The following PEPD variants were observed in gnomAD, a reference collection of about 807,000 sequenced individuals.
PEPD encodes peptidase D.
PEPD carries 53 observed loss-of-function variants against 60.7 expected under a neutral mutation model. The ratio of observed to expected loss-of-function variants is 0.87; its 90% CI spans 0.70 to 1.10. The LOEUF (loss-of-function observed/expected upper bound fraction) is 1.10. Ranked by LOEUF, PEPD falls within the 50% of genes least tolerant of loss-of-function variation. PEPD has a pLI of 0.00. For missense variants in PEPD, 711 were observed against 711.9 expected (o/e 1.00, Z 0.01); for synonymous variants, 267 against 284.1 (o/e 0.94, Z 0.60).
chr19:33,410,082 A>G (rs1968728519), intron 11 of PEPD, among the ~76,000 whole-genome samples: 1 of 152,210 alleles, frequency 6.6e-6, no homozygotes, highest in African/African-American at 2.4e-5. Flanking sequence ...TGCCAGAGTG[A>G]ACCAGGATCC....
chr19:33,415,381 G>C (rs1446701286), intron 9 of PEPD, among the ~76,000 whole-genome samples: 2 of 152,204 alleles, frequency 1.3e-5, no homozygotes, highest in Non-Finnish European at 2.9e-5. Context: ...CTACAAGAAA[G>C]GAGCGGCAGG....
chr19:33,468,996 C>T (rs941161069), intron 7 of PEPD, among the ~76,000 whole-genome samples: 8 of 152,164 alleles, frequency 5.3e-5, no homozygotes, highest in African/African-American at 1.9e-4. Flanking sequence ...CTTGTGGTCC[C>T]TCAGGTGTCA....
At chr19:33,495,099 G>A (rs568533769) in intron 4 of PEPD, among the ~76,000 whole-genome samples, 10 of 151,714 alleles carry the variant, frequency 6.6e-5, no homozygotes. Context: ...CTGCGCCACT[G>A]CACTCCAGCC....
intron 7 of PEPD, among the ~76,000 whole-genome samples, chr19:33,473,403 T>G (rs577665405): frequency 7.2e-5 from 11 of 152,162 alleles, no homozygotes; most frequent in Non-Finnish European, 1.6e-4. Context: ...CAACCACAGC[T>G]TCCCATCTCC....
At chr19:33,487,413 G>C (rs1970416003) in intron 6 of PEPD, 1 of 152,508 alleles carries the variant, frequency 6.6e-6, no homozygotes, top group Admixed American at 6.5e-5. Flanking sequence ...GAGGTGGAAG[G>C]CCCCGAGGGG....
At chr19:33,417,266 C>T (rs1968910386) in intron 9 of PEPD, among the ~76,000 whole-genome samples, 1 of 152,220 alleles carries the variant, frequency 6.6e-6, no homozygotes, top group Admixed American at 6.5e-5. Context: ...CTCAGGTACT[C>T]AAGAGGTGGA....
chr19:33,411,474 G>A (rs745348413), intron 11 of PEPD, among the ~76,000 whole-genome samples, 198 bp downstream of exon 11: 7 of 152,182 alleles, frequency 4.6e-5, no homozygotes, highest in Non-Finnish European at 7.4e-5. Flanking sequence ...TCCCTGGGGG[G>A]TGCAGGCTTT....
At chr19:33,489,725 G>GCCTGCCCCTGCCCTTGCC (rs955040615) in intron 6 of PEPD, among the ~76,000 whole-genome samples, 2 of 152,144 alleles carry the variant, frequency 1.3e-5, no homozygotes, top group Non-Finnish European at 2.9e-5. Flanking sequence ...ACCCACCTGT[G>GCCTGCCCCTGCCCTTGCC]CCTGCCCCTG....
chr19:33,448,090 G>C (rs969842555), intron 9 of PEPD, among the ~76,000 whole-genome samples: 1 of 152,178 alleles, frequency 6.6e-6, no homozygotes, highest in Non-Finnish European at 1.5e-5. Context: ...GTCATCCACA[G>C]AACTCAGAGC....
intron 9 of PEPD, among the ~76,000 whole-genome samples, chr19:33,414,761 G>A (rs1356679024): frequency 1.3e-5 from 2 of 152,248 alleles, no homozygotes; most frequent in African/African-American, 4.8e-5. Flanking sequence ...ATATTAAGCA[G>A]TTGTTATGCA....
At chr19:33,502,203 T>C (rs1290606278) in intron 3 of PEPD, among the ~76,000 whole-genome samples, 2 of 152,194 alleles carry the variant, frequency 1.3e-5, no homozygotes, top group African/African-American at 2.4e-5. Flanking sequence ...CTCGGTCCTA[T>C]GTCATCCCAC....
At chr19:33,445,510 G>C (rs1969574831) in intron 9 of PEPD, among the ~76,000 whole-genome samples, 2 of 152,160 alleles carry the variant, frequency 1.3e-5, no homozygotes, top group Admixed American at 6.5e-5. Context: ...GAGACCCCAG[G>C]GATGCGTGCA....
At chr19:33,435,172 C>T (rs897916240) in intron 9 of PEPD, among the ~76,000 whole-genome samples, 1 of 152,178 alleles carries the variant, frequency 6.6e-6, no homozygotes, top group Non-Finnish European at 1.5e-5. Flanking sequence ...TGGCCACCCG[C>T]GGCTGCCCGA....
intron 7 of PEPD, among the ~76,000 whole-genome samples, chr19:33,473,752 C>A (rs1352605049): frequency 6.6e-6 from 1 of 152,186 alleles, no homozygotes; most frequent in East Asian, 1.9e-4. Flanking sequence ...AAGTAAGATG[C>A]CTGCTCTTTT....
intron 2 of PEPD, among the ~76,000 whole-genome samples, chr19:33,512,324 G>A (rs1970942144): frequency 6.6e-6 from 1 of 152,206 alleles, no homozygotes; most frequent in South Asian, 2.1e-4. Flanking sequence ...GTGTCCTCAT[G>A]TTCCTGTGCC....
At chr19:33,388,494 G>C in intron 13 of PEPD, 1 of 323,608 alleles carries the variant, frequency 3.1e-6, no homozygotes, top group Non-Finnish European at 6.1e-6. Flanking sequence ...AAGCCCCTTG[G>C]GGCCACAGCT....
intron 4 of PEPD, 93 bp downstream of exon 4, chr19:33,500,845 C>A (rs1484294603): frequency 1.2e-6 from 1 of 810,402 alleles, no homozygotes; most frequent in South Asian, 1.3e-5. Flanking sequence ...CCCTGACATC[C>A]AGCAAGGTTG....
chr19:33,513,578 G>A lies in PEPD; in HGVS notation c.18-802C>T, dbSNP rs149330886. Reference sequence around the variant, plus strand: ...TGGACAACTGCAGGCAACTCTCAACGGTGCTCTTGGCCGCAACTTCCCCGT... The same window carrying A: ...TGGACAACTGCAGGCAACTCTCAACAGTGCTCTTGGCCGCAACTTCCCCGT... On this transcript the variant is annotated intron_variant, in intron 1 of 14. Coordinates refer to ENST00000244137, the MANE Select transcript of PEPD (RefSeq NM_000285.4). 2.9e-3 allele frequency among the ~76,000 whole-genome samples: 437 copies of A among 152,186 alleles called. 2 individuals carry two copies. Among genetic ancestry groups the A allele is most frequent in the Non-Finnish European group, 4.9e-3 (333 of 68,022 alleles).
chr19:33,487,512 C>G (rs561295783), intron 6 of PEPD: 1 of 152,280 alleles, frequency 6.6e-6, no homozygotes, highest in Non-Finnish European at 1.5e-5. Flanking sequence ...GGTTCTCACC[C>G]GCTGCGCATT....
Sources: gnomAD v4.1 joint callset for allele counts (sites outside exome capture counted in the v4.1 genomes callset) on GRCh38, gnomAD v4.1.1 for gene constraint, MANE v1.5 for transcripts, NCBI Gene and HGNC (gene_info 2026-07-23, HGNC 2026-07-21) for gene names.